The following PRP4K variants were observed in gnomAD, a reference collection of about 807,000 sequenced individuals.
The protein encoded by PRP4K is pre-mRNA processing factor kinase PRP4K.
chr6:4,052,080 A>G, the PRP4K span: 3 of 1,590,626 alleles, frequency 1.9e-6, no homozygotes, highest in Admixed American at 5.5e-5. Flanking sequence ...TTTGTCTGGT[A>G]TTCGAGCCTC....
chr6:4,037,689 C>T, the PRP4K span: 9 of 934,964 alleles, frequency 9.6e-6, no homozygotes, highest in Admixed American at 1.0e-4. Context: ...GTTGTGTTCC[C>T]ATAGTTTCCT....
At chr6:4,029,586 C>A in the PRP4K span, among the ~76,000 whole-genome samples, 14 of 152,130 alleles carry the variant, frequency 9.2e-5, no homozygotes, top group Non-Finnish European at 2.1e-4. Context: ...CTCCTGGGTT[C>A]AAGTGATCCT....
the PRP4K span, chr6:4,031,951 A>G: frequency 6.2e-7 from 1 of 1,614,090 alleles, no homozygotes; most frequent in East Asian, 2.2e-5. Context: ...TCTGGCTCTG[A>G]AGAAGAGGGG....
chr6:4,050,018 GTT>G, the PRP4K span: 61 of 17,990 alleles, frequency 3.4e-3, no homozygotes, highest in South Asian at 0.015. Flanking sequence ...GGAAACAGTT[GTT>G]TTTTTTTTTT....
At chr6:4,034,679 A>G in the PRP4K span, among the ~76,000 whole-genome samples, 1 of 151,888 alleles carries the variant, frequency 6.6e-6, no homozygotes, top group Admixed American at 6.6e-5. Flanking sequence ...GTGAGGGTGA[A>G]CATTTTTATT....
chr6:4,036,187 G>T, the PRP4K span, among the ~76,000 whole-genome samples: 1 of 152,140 alleles, frequency 6.6e-6, no homozygotes, highest in Non-Finnish European at 1.5e-5. Flanking sequence ...AAAGGTACTT[G>T]TGTGATAAGT....
the PRP4K span, chr6:4,048,969 A>ATT: frequency 7.3e-5 from 102 of 1,399,772 alleles, no homozygotes; most frequent in East Asian, 1.8e-3. Context: ...AGTGCGTTAA[A>ATT]TGTCTGACAA....
At chr6:4,045,267 C>T in the PRP4K span, among the ~76,000 whole-genome samples, 1 of 152,130 alleles carries the variant, frequency 6.6e-6, no homozygotes, top group Non-Finnish European at 1.5e-5. Flanking sequence ...TTCCCCCACC[C>T]CCGAACACTT....
At chr6:4,039,855 TC>T in the PRP4K span, among the ~76,000 whole-genome samples, 1 of 29,408 alleles carries the variant, frequency 3.4e-5, no homozygotes, top group African/African-American at 1.4e-4. Context: ...TCCCTTCCCC[TC>T]CGATCTTTCT....
At chr6:4,021,580 TC>T in the PRP4K span, 1 of 1,434,516 alleles carries the variant, frequency 7.0e-7, no homozygotes, top group South Asian at 1.2e-5. Flanking sequence ...CTTTGCTTTT[TC>T]CGGCGCGATT....
the PRP4K span, chr6:4,060,458 T>G: frequency 6.2e-7 from 1 of 1,613,920 alleles, no homozygotes. The surrounding 1 kb of genome is among the most constrained non-coding windows in gnomAD (Gnocchi z 4.7). Flanking sequence ...TAAGGACCTG[T>G]TGGCTGACTT....
the PRP4K span, among the ~76,000 whole-genome samples, chr6:4,024,315 G>A: frequency 6.6e-6 from 1 of 152,150 alleles, no homozygotes; most frequent in Non-Finnish European, 1.5e-5. Context: ...TCTAGCCCAG[G>A]CAACATAGTG....
At chr6:4,040,831 G>T in the PRP4K span, 3 of 1,613,946 alleles carry the variant, frequency 1.9e-6, no homozygotes, top group Non-Finnish European at 8.5e-7. Context: ...CGCGGTGGTC[G>T]TAGACGAAGG....
chr6:4,041,726 T>C, the PRP4K span, among the ~76,000 whole-genome samples: 1 of 152,020 alleles, frequency 6.6e-6, no homozygotes, highest in Non-Finnish European at 1.5e-5. Context: ...CATTCTACAA[T>C]GCACAGGATA....
At chr6:4,040,864 A>C in the PRP4K span, 1 of 1,614,024 alleles carries the variant, frequency 6.2e-7, no homozygotes, top group Non-Finnish European at 8.5e-7. Flanking sequence ...GTAAAGGAAG[A>C]TAAATTTAAA....
chr6:4,045,019 C>T, the PRP4K span, among the ~76,000 whole-genome samples: 4 of 151,856 alleles, frequency 2.6e-5, no homozygotes, highest in Admixed American at 2.0e-4. Flanking sequence ...CCTGCCACCA[C>T]GCCTGGCTAA....
the PRP4K span, chr6:4,062,755 T>C: frequency 1.3e-5 from 2 of 152,606 alleles, no homozygotes; most frequent in South Asian, 2.1e-4. The surrounding 1 kb of genome is among the most constrained non-coding windows in gnomAD (Gnocchi z 4.2). Flanking sequence ...CTAAAATAAA[T>C]ACAAGGTGAT....
the PRP4K span, chr6:4,056,786 AAG>A: frequency 7.4e-7 from 1 of 1,343,122 alleles, no homozygotes; most frequent in African/African-American, 1.5e-5. Context: ...GAAATGAGAA[AAG>A]AGAAGAAATA....
chr6:4,041,755 CA>C, the PRP4K span, among the ~76,000 whole-genome samples: 1 of 151,958 alleles, frequency 6.6e-6, no homozygotes, highest in African/African-American at 2.4e-5. Flanking sequence ...CACACACACA[CA>C]AAAAGAACTA....
Sources: allele counts gnomAD v4.1 joint callset (sites outside exome capture counted in the v4.1 genomes callset), GRCh38; gene constraint gnomAD v4.1.1; non-coding constraint Gnocchi (gnomAD v3.1); transcripts MANE v1.5; gene names NCBI Gene and HGNC (gene_info 2026-07-23, HGNC 2026-07-21).